CADM1: variants seen among roughly 807,000 people sequenced by gnomAD.
CADM1 encodes TSLC-1.
CADM1 carries 15 observed loss-of-function variants against 53.1 expected under a neutral mutation model. The ratio of observed to expected loss-of-function variants is 0.28; its 90% CI spans 0.19 to 0.44. The LOEUF is 0.44. Among genes scored for constraint, CADM1 ranks in the 20% least tolerant of loss-of-function variants. CADM1 has a pLI of 1.00. For synonymous variants in CADM1, 281 were observed against 243.0 expected (o/e 1.16, Z -1.45); for missense variants, 434 against 611.3 (o/e 0.71, Z 3.06).
chr11:115,216,434 C>T (rs547993173), intron 6 of CADM1, among the ~76,000 whole-genome samples: 50 of 152,240 alleles, frequency 3.3e-4, no homozygotes, highest in African/African-American at 9.6e-4. Context: ...TTAATGTGGC[C>T]GAGCACGGGT....
At chr11:115,211,475 C>CTTTTTTTTT (rs1224649182) in intron 7 of CADM1, among the ~76,000 whole-genome samples, 1 of 92,254 alleles carries the variant, frequency 1.1e-5, no homozygotes, top group Non-Finnish European at 1.9e-5. Context: ...AATCCTATTT[C>CTTTTTTTTT]TTTTTTTTTT....
At chr11:115,221,668 C>T (rs1941410687) in intron 5 of CADM1, among the ~76,000 whole-genome samples, 1 of 152,162 alleles carries the variant, frequency 6.6e-6, no homozygotes, top group Admixed American at 6.6e-5. Flanking sequence ...TTTCAGTTTC[C>T]TATGTAAATG....
chr11:115,373,192 T>C (rs1946351025), intron 1 of CADM1, among the ~76,000 whole-genome samples: 1 of 152,196 alleles, frequency 6.6e-6, no homozygotes, highest in Admixed American at 6.5e-5. Context: ...AGCCTGGCTT[T>C]CACAGAAGTG....
chr11:115,194,714 C>G (rs1940066179), intron 9 of CADM1, among the ~76,000 whole-genome samples: 1 of 151,998 alleles, frequency 6.6e-6, no homozygotes, highest in Non-Finnish European at 1.5e-5. Flanking sequence ...ACCTCAAACC[C>G]AGAGGAAGCC....
chr11:115,439,169 A>G (rs1241798795), intron 1 of CADM1, among the ~76,000 whole-genome samples: 3 of 150,380 alleles, frequency 2.0e-5, no homozygotes, highest in African/African-American at 7.3e-5. Context: ...AAATGATGTC[A>G]TAAGTAAAGG....
intron 1 of CADM1, among the ~76,000 whole-genome samples, chr11:115,424,975 G>A (rs1947854883): frequency 6.6e-6 from 1 of 152,078 alleles, no homozygotes; most frequent in African/African-American, 2.4e-5. Context: ...TAGACAAAAA[G>A]AGAACCTTTA....
At chr11:115,371,457 A>G (rs1350330949) in intron 1 of CADM1, among the ~76,000 whole-genome samples, 1 of 152,166 alleles carries the variant, frequency 6.6e-6, no homozygotes, top group Admixed American at 6.5e-5. Context: ...GAGGAGATAA[A>G]CTGGAATAAT....
intron 1 of CADM1, among the ~76,000 whole-genome samples, chr11:115,336,887 GTTA>G (rs1281187386): frequency 6.6e-6 from 1 of 152,112 alleles, no homozygotes; most frequent in East Asian, 1.9e-4. Flanking sequence ...CTCTGTTGCT[GTTA>G]TTATTAGTAA....
intron 10 of CADM1, among the ~76,000 whole-genome samples, chr11:115,179,481 T>A (rs2134588767): frequency 6.6e-6 from 1 of 152,330 alleles, no homozygotes; most frequent in African/African-American, 2.4e-5. Context: ...CCCCTCAGGA[T>A]GTCTTCTTCT....
intron 10 of CADM1, among the ~76,000 whole-genome samples, chr11:115,186,007 T>C (rs1939527965): frequency 6.6e-6 from 1 of 152,200 alleles, no homozygotes; most frequent in Non-Finnish European, 1.5e-5. Flanking sequence ...GAAGAAAAGT[T>C]CCCGTTTGAT....
intron 1 of CADM1, among the ~76,000 whole-genome samples, chr11:115,395,611 C>T (rs769140456): frequency 1.1e-4 from 17 of 152,188 alleles, no homozygotes. Context: ...TCCAAGGTGA[C>T]TACCACAGCT....
At chr11:115,492,905 C>CT (rs966384471) in intron 1 of CADM1, among the ~76,000 whole-genome samples, 1 of 150,352 alleles carries the variant, frequency 6.7e-6, no homozygotes, top group Non-Finnish European at 1.5e-5. Flanking sequence ...TCACATATAA[C>CT]TTTTTTTTGA....
At chr11:115,279,538 CA>C (rs1485295676) in intron 1 of CADM1, among the ~76,000 whole-genome samples, 3 of 152,112 alleles carry the variant, frequency 2.0e-5, no homozygotes, top group Non-Finnish European at 4.4e-5. Context: ...TTAGATAATG[CA>C]AAGAGATTTT....
Position 115,229,117 on chromosome 11 carries a change from T to C in CADM1, c.717A>G (p.Val239=), listed in dbSNP as rs148637016. Residue 239 remains valine (V), a synonymous_variant, in exon 5 of 12, where the codon GTA becomes GTG. Coordinates refer to ENST00000331581, the MANE Select transcript of CADM1 (RefSeq NM_001301043.2). ...GNLQTQRYLE[V]QYKPQVHIQM... ...ATAAGATACCAGGGTACTCACACTG[T>C]ACTTCTAGATACCGCTGGGTCTGCA... is the stretch of plus-strand genomic sequence containing the variant. The C allele has an allele frequency of 4.5e-4, 726 of 1,613,896 alleles. 2 individuals are homozygous for C. In the African/African-American group the frequency reaches 8.2e-3, roughly 18 times the overall value.
intron 10 of CADM1, 140 bp from the exon 11 acceptor site, chr11:115,178,915 T>A: frequency 1.1e-6 from 1 of 889,544 alleles, no homozygotes; most frequent in South Asian, 1.4e-5. Flanking sequence ...TGGATCAAGT[T>A]ACACTGAGGT....
At chr11:115,250,585 C>A (rs1341054727) in intron 1 of CADM1, among the ~76,000 whole-genome samples, 1 of 152,166 alleles carries the variant, frequency 6.6e-6, no homozygotes, top group African/African-American at 2.4e-5. Context: ...TTCCAAAGCA[C>A]TTATTATTAA....
At chr11:115,203,061 C>T (rs1026934426) in intron 8 of CADM1, among the ~76,000 whole-genome samples, 1 of 151,930 alleles carries the variant, frequency 6.6e-6, no homozygotes, top group African/African-American at 2.4e-5. Context: ...ATAGGAGAGA[C>T]AGGATAAAGC....
chr11:115,364,330 T>A (rs1240001112), intron 1 of CADM1, among the ~76,000 whole-genome samples: 1 of 152,228 alleles, frequency 6.6e-6, no homozygotes, highest in Non-Finnish European at 1.5e-5. Context: ...AAGTCTCCTT[T>A]ATACTTGAAA....
At chr11:115,492,716 C>T (rs551582367) in intron 1 of CADM1, among the ~76,000 whole-genome samples, 27 of 151,522 alleles carry the variant, frequency 1.8e-4, no homozygotes, top group African/African-American at 6.5e-4. Context: ...AGAGTTTTCA[C>T]CATGGGAGAA....
Sources: gnomAD v4.1 joint callset for allele counts (sites outside exome capture counted in the v4.1 genomes callset) on GRCh38, gnomAD v4.1.1 for gene constraint, MANE v1.5 for transcripts, NCBI Gene and HGNC (gene_info 2026-07-23, HGNC 2026-07-21) for gene names.